Variants in DYNC2I1 observed in about 807,000 individuals in gnomAD.
DYNC2I1 encodes dynein 2 intermediate chain 1.
In DYNC2I1, 89 loss-of-function variants were observed where a neutral mutation model predicts 133.4. That is an observed-to-expected ratio of 0.67 (90% CI 0.56 to 0.80). DYNC2I1 has a LOEUF of 0.80. Ranked by LOEUF, DYNC2I1 falls within the 30% of genes least tolerant of loss-of-function variation. The pLI is 0.00. For synonymous variants in DYNC2I1, 504 were observed against 484.3 expected, an observed-to-expected ratio of 1.04 and a Z score of -0.54; for missense variants, 1,291 against 1,314.5, an observed-to-expected ratio of 0.98 and a Z score of 0.28.
Position 158,906,096 on chromosome 7 carries a change from G to C in DYNC2I1, c.1460+5G>C. On this transcript the variant is annotated splice_donor_5th_base_variant and intron_variant, in intron 11 of 24. Coordinates refer to ENST00000407559, the MANE Select transcript of DYNC2I1 (RefSeq NM_018051.5). ...GACTCAGGCCCTTAAGCAAAAGTAG[G>C]TGTATTGGGAAAGCAGCCAAAGGTG... 6.2e-7 allele frequency: 1 copy of C among 1,611,976 alleles called. No homozygotes were observed. The highest frequency in any genetic ancestry group is 8.5e-7 in the Non-Finnish European group (1 of 1,178,628).
chr7:158,913,663 T>G (rs1483637375), intron 13 of DYNC2I1, among the ~76,000 whole-genome samples: 1 of 152,170 alleles, frequency 6.6e-6, no homozygotes, highest in African/African-American at 2.4e-5. Flanking sequence ...AAGAAAGTAA[T>G]ATACCTAAAC....
At chr7:158,957,352 C>T (rs1406989164), downstream of DYNC2I1, among the ~76,000 whole-genome samples, 1 of 152,244 alleles carries the variant, frequency 6.6e-6, no homozygotes, top group Non-Finnish European at 1.5e-5. Context: ...GGACTGAGCC[C>T]ACTGCTGCCC....
At position 158,953,667 on chromosome 7, in the gene DYNC2I1, T is replaced by C. The variant is rs553623565; in HGVS notation, c.*57-2916T>C. Reference sequence around the variant, plus strand: ...AAGACGGCTGAGGTAGGAGAATGGCTTGAGCTGGAGAGGTTGAGGCTGCAG... The same window carrying C: ...AAGACGGCTGAGGTAGGAGAATGGCCTGAGCTGGAGAGGTTGAGGCTGCAG... On this transcript the variant is annotated intron_variant and NMD_transcript_variant, in intron 4 of 4. Coordinates refer to the DYNC2I1 transcript ENST00000454771. Among the ~76,000 whole-genome samples the C allele has an allele frequency of 2.0e-5, 3 of 152,258 alleles. No individual in the cohort carries two copies. The South Asian group carries it at 6.2e-4, about 32-fold the overall frequency.
intron 4 of DYNC2I1, among the ~76,000 whole-genome samples, chr7:158,952,595 A>G (rs1184449038): frequency 1.3e-5 from 2 of 151,810 alleles, no homozygotes; most frequent in Non-Finnish European, 2.9e-5. Flanking sequence ...AATAAGAAGG[A>G]GCCTTGAACT....
Position 158,911,768 on chromosome 7 carries a change from A to G in DYNC2I1, c.1590+89A>G, listed in dbSNP as rs1463186822. 8 of 1,442,120 alleles carry G rather than the reference A, an allele frequency of 5.5e-6. No homozygotes were observed. The South Asian group carries it at 7.1e-5, about 13-fold the overall frequency. The allele number at this position is 1,442,120 out of a possible 1,614,324, so 89.3% of individuals were successfully genotyped here. A position where few individuals can be genotyped will look rare whatever the true frequency, so the allele number is the denominator to read the frequency against. ...GTCTTCCTGAATAATGTTCTGCAATATTAGAACTTGGGGATGGTCTGTGAA... is the reference window on the plus strand; with the variant it reads ...GTCTTCCTGAATAATGTTCTGCAATGTTAGAACTTGGGGATGGTCTGTGAA... On this transcript the variant is annotated intron_variant, in intron 12 of 24. Coordinates refer to ENST00000407559, the MANE Select transcript of DYNC2I1 (RefSeq NM_018051.5).
At chr7:158,868,237 C>T (rs1404686706) in intron 1 of DYNC2I1, among the ~76,000 whole-genome samples, 1 of 152,216 alleles carries the variant, frequency 6.6e-6, no homozygotes, top group Non-Finnish European at 1.5e-5. Flanking sequence ...ATAGTCCCCT[C>T]AGATGCTTAG....
intron 4 of DYNC2I1, among the ~76,000 whole-genome samples, chr7:158,877,552 T>C (rs10258339): frequency 0.48 from 72,830 of 152,132 alleles, 18,966 homozygotes; most frequent in East Asian, 0.71. Flanking sequence ...CATAATTCCT[T>C]ATGTCCTAAG....
intron 7 of DYNC2I1, 77 bp from the exon 8 acceptor site, chr7:158,891,188 G>C: frequency 6.5e-7 from 1 of 1,527,316 alleles, no homozygotes; most frequent in Admixed American, 1.7e-5. Context: ...CAGTGGTGGG[G>C]TGGGGGGGAG....
chr7:158,889,036 TACACACAC>T (rs71200077), intron 7 of DYNC2I1, among the ~76,000 whole-genome samples: 20,473 of 141,204 alleles, frequency 0.14, 1,698 homozygotes, highest in Middle Eastern at 0.24. Context: ...TTTAAACATT[TACACACAC>T]ACACACACAC....
At chr7:158,928,644 C>T (rs1043172002) in intron 20 of DYNC2I1, among the ~76,000 whole-genome samples, 1 of 152,180 alleles carries the variant, frequency 6.6e-6, no homozygotes, top group African/African-American at 2.4e-5. Context: ...CCGTTCTGCT[C>T]TGTGTTGTCC....
At chr7:158,888,293 G>T (rs554414610) in intron 7 of DYNC2I1, among the ~76,000 whole-genome samples, 2 of 152,150 alleles carry the variant, frequency 1.3e-5, no homozygotes, top group South Asian at 4.2e-4. Flanking sequence ...AAAGTGCTGG[G>T]ATTACAGGCG....
intron 1 of DYNC2I1, among the ~76,000 whole-genome samples, chr7:158,861,970 G>T (rs1483748467): frequency 6.6e-6 from 1 of 152,162 alleles, no homozygotes; most frequent in African/African-American, 2.4e-5. Context: ...AAAAATTCTA[G>T]TGTAAGGAAT....
At chr7:158,859,525 C>G (rs1563066633) in intron 1 of DYNC2I1, among the ~76,000 whole-genome samples, 1 of 151,982 alleles carries the variant, frequency 6.6e-6, no homozygotes, top group Non-Finnish European at 1.5e-5. Flanking sequence ...TTTTTTGAGA[C>G]AGAGTCTCGC....
At chr7:158,856,773 G>A (rs1841276957) in intron 1 of DYNC2I1, 23 bp downstream of exon 1, 4 of 1,234,024 alleles carry the variant, frequency 3.2e-6, no homozygotes, top group African/African-American at 1.6e-5. Context: ...CTGGGTCTGG[G>A]CGAGGGGTGG....
intron 23 of DYNC2I1, among the ~76,000 whole-genome samples, chr7:158,941,518 T>C (rs1018487342): frequency 1.3e-5 from 2 of 152,192 alleles, no homozygotes; most frequent in Non-Finnish European, 2.9e-5. Flanking sequence ...ATTAATGTTT[T>C]TGCAGTACAA....
chr7:158,933,076 A>G (rs1404063118), intron 21 of DYNC2I1, among the ~76,000 whole-genome samples: 1 of 152,140 alleles, frequency 6.6e-6, no homozygotes, highest in African/African-American at 2.4e-5. Context: ...GGAGTCGTCA[A>G]CCAAGAGGTG....
upstream of DYNC2I1, among the ~76,000 whole-genome samples, chr7:158,853,410 G>A (rs560262727): frequency 1.3e-5 from 2 of 152,216 alleles, no homozygotes; most frequent in South Asian, 2.1e-4. Context: ...ATTTACAGTC[G>A]ATTCTCTCTG....
chr7:158,954,463 CAT>C (rs1438046752), intron 4 of DYNC2I1, among the ~76,000 whole-genome samples: 5 of 152,128 alleles, frequency 3.3e-5, no homozygotes, highest in Admixed American at 2.6e-4. Context: ...TTTTGGGAAA[CAT>C]AGAGAAACCC....
chr7:158,869,847 C>T lies in DYNC2I1; in HGVS notation c.16-8C>T, dbSNP rs1842723499. ...TTAAACATTCTAACTTTATACTTTT[C>T]TATTTAGAGAAGAACCAAAGATGAT... On this transcript the variant is annotated splice_polypyrimidine_tract_variant and splice_region_variant and intron_variant, in intron 1 of 24. Transcript: ENST00000407559. 1.0e-5 allele frequency: 16 copies of T among 1,607,582 alleles called. No individual in the cohort carries two copies. The highest frequency in any genetic ancestry group is 1.4e-5 in the Non-Finnish European group (16 of 1,175,356).
Sources: gnomAD v4.1 joint callset for allele counts (sites outside exome capture counted in the v4.1 genomes callset) on GRCh38, gnomAD v4.1.1 for gene constraint, MANE v1.5 for transcripts, NCBI Gene and HGNC (gene_info 2026-07-23, HGNC 2026-07-21) for gene names.